The following ANXA13 variants were observed in gnomAD, a reference collection of about 807,000 sequenced individuals.
ANXA13 encodes annexin A13.
A neutral mutation model predicts 46.6 loss-of-function variants in ANXA13; 36 were observed. That is an observed-to-expected ratio of 0.77 (90% confidence interval 0.59 to 1.02). The LOEUF (loss-of-function observed/expected upper bound fraction) is 1.02. Ranked by LOEUF, ANXA13 falls within the 50% of genes least tolerant of loss-of-function variation. The pLI is 0.00. For missense variants in ANXA13, 417 were observed against 396.5 expected, an observed-to-expected ratio of 1.05 and a Z score of -0.44; for synonymous variants, 163 against 152.9, an observed-to-expected ratio of 1.07 and a Z score of -0.49.
At chr8:123,735,604 G>T in intron 1 of ANXA13, 3 of 1,021,154 alleles carry the variant, frequency 2.9e-6, no homozygotes, top group African/African-American at 1.6e-5. Flanking sequence ...CAAACTTTTT[G>T]CAGGGAAAGA....
At chr8:123,716,164 C>A (rs1813755895) in intron 1 of ANXA13, among the ~76,000 whole-genome samples, 1 of 152,196 alleles carries the variant, frequency 6.6e-6, no homozygotes, top group Non-Finnish European at 1.5e-5. Context: ...CGGTTCCCTG[C>A]AGCCTCTGCC....
chr8:123,717,930 G>A (rs1056908979), intron 1 of ANXA13, among the ~76,000 whole-genome samples: 5 of 152,182 alleles, frequency 3.3e-5, no homozygotes, highest in Non-Finnish European at 5.9e-5. Flanking sequence ...GTACAATTAC[G>A]CTGCTAACGC....
chr8:123,710,204 CACTTCTATGTAA>C (rs982933929), intron 2 of ANXA13, among the ~76,000 whole-genome samples: 1 of 152,190 alleles, frequency 6.6e-6, no homozygotes, highest in Non-Finnish European at 1.5e-5. Flanking sequence ...TCTACTAATC[CACTTCTATGTAA>C]AAAACCTATC....
At chr8:123,703,050 C>A (rs1813474609) in intron 2 of ANXA13, among the ~76,000 whole-genome samples, 1 of 152,128 alleles carries the variant, frequency 6.6e-6, no homozygotes, top group Non-Finnish European at 1.5e-5. Flanking sequence ...CCAACAATTG[C>A]ATGTGAATGT....
At chr8:123,695,914 C>T (rs376880043) in intron 4 of ANXA13, among the ~76,000 whole-genome samples, 193 bp from the exon 5 acceptor site, 2 of 146,520 alleles carry the variant, frequency 1.4e-5, no homozygotes, top group Admixed American at 1.3e-4. Context: ...CCGCCCCCCC[C>T]CCACTCCGCC....
chr8:123,684,935 C>T (rs1813113426), intron 9 of ANXA13, among the ~76,000 whole-genome samples: 1 of 152,202 alleles, frequency 6.6e-6, no homozygotes, highest in African/African-American at 2.4e-5. Flanking sequence ...CCCTCCTGTC[C>T]CCTGAAGACC....
chr8:123,697,632 C>T (rs1476122993), intron 4 of ANXA13, among the ~76,000 whole-genome samples: 1 of 152,190 alleles, frequency 6.6e-6, no homozygotes, highest in Non-Finnish European at 1.5e-5. Flanking sequence ...CTTCTATTTC[C>T]TGCTGAGAGG....
intron 1 of ANXA13, among the ~76,000 whole-genome samples, chr8:123,736,927 C>A (rs1814280556): frequency 1.4e-5 from 2 of 138,812 alleles, no homozygotes; most frequent in Admixed American, 1.6e-4. Flanking sequence ...CGGCTTATTG[C>A]AACCTCCGCC....
intron 9 of ANXA13, among the ~76,000 whole-genome samples, chr8:123,686,403 T>A (rs1036596410): frequency 7.4e-5 from 11 of 149,454 alleles, no homozygotes; most frequent in African/African-American, 2.7e-4. Flanking sequence ...GAGGTTGCAG[T>A]AAGCCAAGAT....
At chr8:123,712,845 G>T in intron 1 of ANXA13, 92 bp from the exon 2 acceptor site, 1 of 1,094,050 alleles carries the variant, frequency 9.1e-7, no homozygotes, top group Non-Finnish European at 1.4e-6. Flanking sequence ...GGACCAAATA[G>T]TCATCCTAAC....
intron 1 of ANXA13, among the ~76,000 whole-genome samples, chr8:123,733,084 A>C (rs1028165299): frequency 6.6e-6 from 1 of 151,920 alleles, no homozygotes; most frequent in Non-Finnish European, 1.5e-5. Flanking sequence ...GATTGCTTGA[A>C]CCAGGGAGGT....
chr8:123,681,757 G>A lies in ANXA13; in HGVS notation c.832-398C>T, dbSNP rs371927011. 1.5e-4 allele frequency among the ~76,000 whole-genome samples: 23 copies of A among 151,692 alleles called. No homozygotes were observed. The East Asian group carries it at 4.1e-3, about 27-fold the overall frequency. ...TCCTGCCTCAGCCCCCCAAGTAGCT[G>A]GGATTACAGTCAACCACCATGCCTG... On this transcript the variant is annotated intron_variant, in intron 10 of 10. Transcript: ENST00000419625.
chr8:123,734,033 G>A (rs1298423593), intron 1 of ANXA13, among the ~76,000 whole-genome samples: 1 of 152,230 alleles, frequency 6.6e-6, no homozygotes, highest in African/African-American at 2.4e-5. Flanking sequence ...CACGCAATGT[G>A]GATGCTGCTA....
intron 2 of ANXA13, among the ~76,000 whole-genome samples, chr8:123,705,655 C>T (rs967585461): frequency 6.6e-6 from 1 of 152,208 alleles, no homozygotes; most frequent in Non-Finnish European, 1.5e-5. Flanking sequence ...TCACTTACTG[C>T]TGTCTTGCTC....
At chr8:123,711,451 T>A (rs187012001) in intron 2 of ANXA13, among the ~76,000 whole-genome samples, 30 of 152,192 alleles carry the variant, frequency 2.0e-4, no homozygotes, top group Middle Eastern at 3.4e-3. Context: ...TAGACCTAGA[T>A]GCTGTCTCCC....
chr8:123,703,512 T>C (rs746188328), intron 2 of ANXA13, among the ~76,000 whole-genome samples: 2 of 152,198 alleles, frequency 1.3e-5, no homozygotes, highest in Non-Finnish European at 2.9e-5. Flanking sequence ...GAATTATATC[T>C]CAATTAAAAT....
chr8:123,710,229 T>C (rs1813629695), intron 2 of ANXA13, among the ~76,000 whole-genome samples: 1 of 152,244 alleles, frequency 6.6e-6, no homozygotes, highest in African/African-American at 2.4e-5. Flanking sequence ...AACCTATCAC[T>C]TGTTTTTGTA....
intron 2 of ANXA13, among the ~76,000 whole-genome samples, chr8:123,707,563 G>A (rs1161914559): frequency 6.6e-6 from 1 of 152,144 alleles, no homozygotes; most frequent in African/African-American, 2.4e-5. Context: ...GATGAAGCTG[G>A]AAATCATTAT....
intron 3 of ANXA13, among the ~76,000 whole-genome samples, chr8:123,701,369 C>T (rs1309297193): frequency 3.3e-5 from 5 of 152,094 alleles, no homozygotes; most frequent in Admixed American, 3.3e-4. Flanking sequence ...ACTCAGGAGG[C>T]TGAGGCAGGA....
Sources: gnomAD v4.1 joint callset for allele counts (sites outside exome capture counted in the v4.1 genomes callset) on GRCh38, gnomAD v4.1.1 for gene constraint, MANE v1.5 for transcripts, NCBI Gene and HGNC (gene_info 2026-07-23, HGNC 2026-07-21) for gene names.